METTL2A: variants seen among roughly 807,000 people sequenced by gnomAD.
The protein encoded by METTL2A is methyltransferase 2A, tRNA N3-cytidine.
In METTL2A, 45 loss-of-function variants were observed where a neutral mutation model predicts 49.4. That is an observed-to-expected ratio of 0.91 (90% CI 0.72 to 1.17). The LOEUF (loss-of-function observed/expected upper bound fraction) is 1.17, where lower values mean the gene tolerates loss of function less well. Ranked by LOEUF, METTL2A falls within the 50% of genes most tolerant of loss-of-function variation. The probability of loss-of-function intolerance (pLI) is 0.00; values close to 1 mark genes in which losing one functional copy is unlikely to be tolerated. For synonymous variants in METTL2A, 118 were observed against 167.5 expected, an observed-to-expected ratio of 0.70 and a Z score of 2.28; for missense variants, 361 against 462.2, an observed-to-expected ratio of 0.78 and a Z score of 2.01.
At chr17:62,424,395 G>A (rs947332231) in intron 2 of METTL2A, 85 bp downstream of exon 2, 9 of 1,570,736 alleles carry the variant, frequency 5.7e-6, no homozygotes, top group Non-Finnish European at 6.9e-6. Context: ...AACCGCGGCC[G>A]CCCAGATCCT....
intron 5 of METTL2A, among the ~76,000 whole-genome samples, chr17:62,438,130 G>A (rs9908012): frequency 0.033 from 5,072 of 151,582 alleles, 293 homozygotes; most frequent in African/African-American, 0.11. Context: ...AACTAGGCCG[G>A]GTGCAGTGGT....
At chr17:62,424,511 T>C (rs2070609683) in intron 2 of METTL2A, among the ~76,000 whole-genome samples, 1 of 152,104 alleles carries the variant, frequency 6.6e-6, no homozygotes, top group African/African-American at 2.4e-5. Context: ...CGTAGAGGGT[T>C]TTTTTATATA....
rs2070808144 is a variant in METTL2A at position 62,451,889 on chromosome 17, TCA to T, written c.*3161_*3162del. On this transcript the variant is annotated 3_prime_UTR_variant, in exon 9 of 9. Transcript: ENST00000311506. ...TGGGCAACAAGAGTGAAACTCCGTC[TCA>T]AAAAAAAAAAAAAAAAAAATTAGCT... 2.3e-5 allele frequency among the ~76,000 whole-genome samples: 2 copies of T among 86,892 alleles called. No individual in the cohort carries two copies. Among genetic ancestry groups the T allele is most frequent in the African/African-American group, 9.9e-5 (2 of 20,266 alleles). 57.0% of individuals were successfully genotyped at this position (86,892 alleles called of 152,430 possible).
At position 62,423,989 on chromosome 17, in the gene METTL2A, G is replaced by A. The variant is rs952283037; in HGVS notation, c.87G>A (p.Ala29=). Residue 29 remains alanine, a synonymous_variant, in exon 1 of 9, where the codon GCG becomes GCA. Transcript: ENST00000311506. ...GAAGCCGGTTCCTGAGAGATCCGGC[G>A]CGCGTCTTCCACCACAATGCCTGGT... is the stretch of plus-strand genomic sequence containing the variant. ...QFGSRFLRDP[A]RVFHHNAWDN... 1 of 1,613,866 alleles carries A rather than the reference G, an allele frequency of 6.2e-7. No individual in the cohort carries two copies. Among genetic ancestry groups the A allele is most frequent in the African/African-American group, 1.3e-5 (1 of 74,928 alleles).
At position 62,449,397 on chromosome 17, in the gene METTL2A, A is replaced by T; in HGVS notation, c.*668A>T. The stretch of plus-strand genomic sequence containing the variant: ...CAAAATGTGGTGTTCTTGTTAAGTA[A>T]TTGATCGTGGTCTTCGCTTTAATCT... On this transcript the variant is annotated 3_prime_UTR_variant, in exon 9 of 9. Coordinates refer to ENST00000311506, the MANE Select transcript of METTL2A (RefSeq NM_181725.4). 3 of 453,254 alleles carry T rather than the reference A, an allele frequency of 6.6e-6. No individual in the cohort carries two copies. Among genetic ancestry groups the T allele is most frequent in the South Asian group, 4.7e-5 (3 of 64,366 alleles). 28.1% of individuals were successfully genotyped at this position (453,254 alleles called of 1,614,324 possible).
Position 62,448,891 on chromosome 17 carries a change from G to T in METTL2A, c.*162G>T. 1 of 959,916 alleles carries T rather than the reference G, an allele frequency of 1.0e-6. No homozygotes were observed. The highest frequency in any genetic ancestry group is 1.5e-6 in the Non-Finnish European group (1 of 678,484). 59.5% of individuals were successfully genotyped at this position (959,916 alleles called of 1,614,324 possible). On this transcript the variant is annotated 3_prime_UTR_variant, in exon 9 of 9. Coordinates refer to ENST00000311506, the MANE Select transcript of METTL2A (RefSeq NM_181725.4). Reference sequence around the variant, plus strand: ...CCAGCAGTCCAACCTGGGCAAAATAGTGAGAGACCCTGTATCTGAAAGTAA... The same window carrying T: ...CCAGCAGTCCAACCTGGGCAAAATATTGAGAGACCCTGTATCTGAAAGTAA...
At chr17:62,448,517 TA>T in intron 8 of METTL2A, 57 bp from the exon 9 acceptor site, 3 of 1,597,474 alleles carry the variant, frequency 1.9e-6, no homozygotes, top group Non-Finnish European at 2.6e-6. Context: ...ACTTAGTAGA[TA>T]AAAATGCCTT....
At chr17:62,428,070 G>A (rs1188420940) in intron 4 of METTL2A, among the ~76,000 whole-genome samples, 1 of 152,230 alleles carries the variant, frequency 6.6e-6, no homozygotes, top group East Asian at 1.9e-4. Flanking sequence ...GATTATGTCA[G>A]ATTCAGATTT....
At chr17:62,438,252 CA>C (rs1170109082) in intron 5 of METTL2A, among the ~76,000 whole-genome samples, 4 of 151,528 alleles carry the variant, frequency 2.6e-5, no homozygotes, top group South Asian at 4.2e-4. Flanking sequence ...ACTAAAAATA[CA>C]AAAATTAGCC....
chr17:62,444,332 G>T (rs144828185), intron 6 of METTL2A, among the ~76,000 whole-genome samples: 2,129 of 152,228 alleles, frequency 0.014, 41 homozygotes, highest in African/African-American at 0.047. Context: ...CAGGCCGGAG[G>T]GCAGTGGTGC....
rs2070800121 is a variant in METTL2A at position 62,450,565 on chromosome 17, C to A, written c.*1836C>A. ...TTCGACCAGGCGTGGCGGCTCATGC[C>A]TATAATCCCAGCACTTTGGGAGGCC... On this transcript the variant is annotated 3_prime_UTR_variant, in exon 9 of 9. Coordinates refer to ENST00000311506, the MANE Select transcript of METTL2A (RefSeq NM_181725.4). 1 of 152,076 alleles carries A rather than the reference C, an allele frequency of 6.6e-6. No homozygotes were observed. The highest frequency in any genetic ancestry group is 2.1e-4 in the South Asian group (1 of 4,828). The allele number at this position is 152,076 out of a possible 1,614,324, so 9.4% of individuals were successfully genotyped here.
chr17:62,443,791 C>G (rs200799582), intron 6 of METTL2A, among the ~76,000 whole-genome samples: 1 of 152,198 alleles, frequency 6.6e-6, no homozygotes, highest in East Asian at 1.9e-4. Flanking sequence ...AGGGTTTCAC[C>G]ATGTTGGCCA....
intron 7 of METTL2A, among the ~76,000 whole-genome samples, chr17:62,445,844 CATGACAAA>C (rs2070764930): frequency 1.3e-5 from 2 of 151,502 alleles, no homozygotes; most frequent in African/African-American, 4.8e-5. Flanking sequence ...TTAAATGTGG[CATGACAAA>C]AGATGCCATT....
At position 62,451,320 on chromosome 17, in the gene METTL2A, G is replaced by C. The variant is rs1426715932; in HGVS notation, c.*2591G>C. Among the ~76,000 whole-genome samples, 1 of 151,292 alleles carries C rather than the reference G, an allele frequency of 6.6e-6. No homozygotes were observed. Among genetic ancestry groups the C allele is most frequent in the Non-Finnish European group, 1.5e-5 (1 of 67,774 alleles). On this transcript the variant is annotated 3_prime_UTR_variant, in exon 9 of 9. Transcript: ENST00000311506. The stretch of plus-strand genomic sequence containing the variant: ...TGCCACCATTCCCGGCTAATTTTTT[G>C]TATTTTTAGTAGAGACAGAGTTTCT...
chr17:62,433,234 GC>G (rs2070677998), intron 4 of METTL2A, among the ~76,000 whole-genome samples: 1 of 152,084 alleles, frequency 6.6e-6, no homozygotes. Flanking sequence ...AGGAGTTCAA[GC>G]CCAGCCTGGC....
At position 62,424,428 on chromosome 17, in the gene METTL2A, C is replaced by T. The variant is rs188506089; in HGVS notation, c.202+118C>T. 230 of 1,430,790 alleles carry T rather than the reference C, an allele frequency of 1.6e-4. No homozygotes were observed. In the African/African-American group the frequency reaches 2.9e-3, roughly 18 times the overall value. 88.6% of individuals were successfully genotyped at this position (1,430,790 alleles called of 1,614,324 possible). ...CCTTTATTCCTGGCCTGATGCAGAT[C>T]TCAGGAGTAGAGCGGGACAGGGAGG... On this transcript the variant is annotated intron_variant, in intron 2 of 8. Transcript: ENST00000311506.
intron 7 of METTL2A, among the ~76,000 whole-genome samples, chr17:62,445,550 A>G (rs1029093844): frequency 1.3e-5 from 2 of 152,094 alleles, no homozygotes; most frequent in African/African-American, 4.8e-5. Context: ...TGTAATTCCA[A>G]CACTTTGGGA....
Position 62,426,309 on chromosome 17 carries a change from G to C in METTL2A, c.213G>C (p.Glu71Asp). 1 of 1,600,782 alleles carries C rather than the reference G, an allele frequency of 6.2e-7. No individual in the cohort carries two copies. The highest frequency in any genetic ancestry group is 8.5e-7 in the Non-Finnish European group (1 of 1,169,890). The change falls in exon 3 of 9, where the codon GAG becomes GAC. Residue 71 changes from glutamate to aspartate, a missense_variant. By Grantham distance (45) the Glu-to-Asp change is conservative. Coordinates refer to ENST00000311506, the MANE Select transcript of METTL2A (RefSeq NM_181725.4). ...RVCQEKQVDY[E>D]INAHKYWNDF... ...CTTAAATATTTACAGTTGATTATGA[G>C]ATCAATGCCCACAAATACTGGAATG... is the stretch of plus-strand genomic sequence containing the variant.
chr17:62,425,977 G>A (rs2070622576), intron 2 of METTL2A, among the ~76,000 whole-genome samples: 1 of 151,100 alleles, frequency 6.6e-6, no homozygotes, highest in South Asian at 2.1e-4. Context: ...CTCCAGCCTG[G>A]GTGACAGAGC....
Sources: gnomAD v4.1 joint callset for allele counts (sites outside exome capture counted in the v4.1 genomes callset) on GRCh38, gnomAD v4.1.1 for gene constraint, MANE v1.5 for transcripts, NCBI Gene and HGNC (gene_info 2026-07-23, HGNC 2026-07-21) for gene names.